Variants in MRPL13 observed in about 807,000 individuals in gnomAD.
MRPL13 encodes the protein mitochondrial ribosomal protein L13, also known as large ribosomal subunit protein uL13m.
MRPL13 carries 33 observed loss-of-function variants against 29.0 expected under a neutral mutation model. That is an observed-to-expected ratio of 1.14 (90% CI 0.86 to 1.52). The LOEUF (loss-of-function observed/expected upper bound fraction) is 1.52, where lower values mean the gene tolerates loss of function less well. MRPL13 is among the 40% of genes most tolerant of loss of function. The pLI, the probability that MRPL13 is intolerant of heterozygous loss-of-function variation, is 0.00. For missense variants in MRPL13, 227 were observed against 216.7 expected, an observed-to-expected ratio of 1.05 and a Z score of -0.30; for synonymous variants, 77 against 68.4, an observed-to-expected ratio of 1.13 and a Z score of -0.62.
At chr8:120,441,760 A>G (rs189207223) in intron 2 of MRPL13, among the ~76,000 whole-genome samples, 1 of 151,254 alleles carries the variant, frequency 6.6e-6, no homozygotes, top group Admixed American at 6.6e-5. Flanking sequence ...CCATCTAAAT[A>G]AAGTACTGTT....
chr8:120,409,652 A>C (rs990450957), intron 6 of MRPL13, among the ~76,000 whole-genome samples: 1 of 152,208 alleles, frequency 6.6e-6, no homozygotes, highest in Non-Finnish European at 1.5e-5. Context: ...GTCAAGAAAT[A>C]TAAAATAAAC....
intron 6 of MRPL13, among the ~76,000 whole-genome samples, chr8:120,402,832 G>A (rs2130451390): frequency 6.6e-6 from 1 of 152,180 alleles, no homozygotes; most frequent in Non-Finnish European, 1.5e-5. Context: ...AAGCAGGCAG[G>A]CAAAGGACAT....
At chr8:120,396,227 C>A in intron 6 of MRPL13, 102 bp from the exon 7 acceptor site, 2 of 841,450 alleles carry the variant, frequency 2.4e-6, no homozygotes, top group Non-Finnish European at 3.7e-6. Flanking sequence ...AACTGTTCAC[C>A]AAGAAATAGC....
chr8:120,441,162 T>A (rs750680262), intron 2 of MRPL13, among the ~76,000 whole-genome samples: 1 of 151,968 alleles, frequency 6.6e-6, no homozygotes, highest in African/African-American at 2.4e-5. Context: ...AGGAACAGGT[T>A]GGTTTGGGTG....
chr8:120,429,955 C>T (rs1460247665), intron 3 of MRPL13, among the ~76,000 whole-genome samples: 1 of 152,036 alleles, frequency 6.6e-6, no homozygotes, highest in Non-Finnish European at 1.5e-5. Flanking sequence ...TCAGTATTGA[C>T]ACAATTAAAT....
chr8:120,419,640 A>C lies in MRPL13; in HGVS notation c.393+212T>G, dbSNP rs114318580. 723 of 316,968 alleles carry C rather than the reference A, an allele frequency of 2.3e-3. 5 individuals are homozygous for C. Among genetic ancestry groups the C allele is most frequent in the African/African-American group, 0.014 (669 of 46,156 alleles). 19.6% of individuals were successfully genotyped at this position (316,968 alleles called of 1,614,324 possible). A position where few individuals can be genotyped will look rare whatever the true frequency, so the allele number is the denominator to read the frequency against. On this transcript the variant is annotated intron_variant, in intron 5 of 6. Transcript: ENST00000306185. ...AAATTTTTTTTAAAAACTTACTTTTAATTTTTAGTCCAATGATGGTTCATT... is the reference window on the plus strand; with the variant it reads ...AAATTTTTTTTAAAAACTTACTTTTCATTTTTAGTCCAATGATGGTTCATT...
chr8:120,443,316 GGGAAA>G lies in MRPL13; in HGVS notation c.28-13_28-9del. 6.8e-7 allele frequency: 1 copy of G among 1,464,604 alleles called. No homozygotes were observed. The highest frequency in any genetic ancestry group is 9.0e-7 in the Non-Finnish European group (1 of 1,107,806). The allele number at this position is 1,464,604 out of a possible 1,614,324, so 90.7% of individuals were successfully genotyped here. On this transcript the variant is annotated splice_polypyrimidine_tract_variant and intron_variant, in intron 1 of 6. Transcript: ENST00000306185. ...AGCAAAAGTGGCCCATTGCTTGGGG[GGGAAA>G]AAAAAAAAAAAGAAGAGGAAAAAAT... is the stretch of plus-strand genomic sequence containing the variant.
At chr8:120,399,468 C>A (rs577217059) in intron 6 of MRPL13, among the ~76,000 whole-genome samples, 6 of 152,270 alleles carry the variant, frequency 3.9e-5, no homozygotes, top group African/African-American at 1.4e-4. Context: ...CACCACCAGG[C>A]CTGCCTTGCA....
chr8:120,416,302 G>C (rs1812802714), intron 5 of MRPL13, among the ~76,000 whole-genome samples: 4 of 152,104 alleles, frequency 2.6e-5, no homozygotes, highest in Admixed American at 2.0e-4. Context: ...AGACCATCCT[G>C]GCTAACACGG....
chr8:120,440,645 G>A (rs114258068), intron 2 of MRPL13, among the ~76,000 whole-genome samples: 2,599 of 150,212 alleles, frequency 0.017, 78 homozygotes, highest in African/African-American at 0.061. Context: ...AAATGTGCTC[G>A]GCAGGCAAGT....
In MRPL13 at chr8:120,409,616, T is replaced by C. The variant is rs75160931; in HGVS notation, c.515+4375A>G. Among the ~76,000 whole-genome samples, 252 of 152,270 alleles carry C rather than the reference T, an allele frequency of 1.7e-3. 3 individuals are homozygous for C. In the East Asian group the frequency reaches 0.045, roughly 27 times the overall value. On this transcript the variant is annotated intron_variant, in intron 6 of 6. Transcript: ENST00000306185. ...AAACCCCACAGTCACCATTTGCACA[T>C]TGCAAATACATATCTGCTTTGTACA... is the stretch of plus-strand genomic sequence containing the variant.
At position 120,443,609 on chromosome 8, in the gene MRPL13, C is replaced by T. The variant is rs993005704; in HGVS notation, c.28-301G>A. Among the ~76,000 whole-genome samples, 8 of 149,238 alleles carry T rather than the reference C, an allele frequency of 5.4e-5. No homozygotes were observed. The East Asian group carries it at 1.2e-3, about 22-fold the overall frequency. On this transcript the variant is annotated intron_variant, in intron 1 of 6. Transcript: ENST00000306185. ...TATCCCAAAGATATATTTCCCTTTA[C>T]GGTATGACTTTTTTTTTTTTTTTTG...
chr8:120,412,668 A>C (rs1812753397), intron 6 of MRPL13, among the ~76,000 whole-genome samples: 1 of 151,986 alleles, frequency 6.6e-6, no homozygotes, highest in African/African-American at 2.4e-5. Flanking sequence ...CATTCTTTCC[A>C]AAACACTTAC....
In MRPL13 at chr8:120,439,354, T is replaced by G. The variant is rs896475860; in HGVS notation, c.151+3831A>C. ...AATACAAGAAGGCTGTGTTGTTGCCTTATAGAGATAATATGTGTGTTAGAT... is the reference window on the plus strand; with the variant it reads ...AATACAAGAAGGCTGTGTTGTTGCCGTATAGAGATAATATGTGTGTTAGAT... On this transcript the variant is annotated intron_variant, in intron 2 of 6. Coordinates refer to ENST00000306185, the MANE Select transcript of MRPL13 (RefSeq NM_014078.6). 3.3e-5 allele frequency among the ~76,000 whole-genome samples: 5 copies of G among 152,348 alleles called. No individual in the cohort carries two copies. In the South Asian group the frequency reaches 1.0e-3, roughly 32 times the overall value.
At chr8:120,413,559 G>A (rs938820335) in intron 6 of MRPL13, among the ~76,000 whole-genome samples, 11 of 152,068 alleles carry the variant, frequency 7.2e-5, no homozygotes. Flanking sequence ...ACTGTACAGA[G>A]GAGAGCAAAA....
intron 3 of MRPL13, among the ~76,000 whole-genome samples, chr8:120,430,814 G>A (rs1010649168): frequency 4.6e-5 from 7 of 152,168 alleles, no homozygotes; most frequent in African/African-American, 1.4e-4. Context: ...TATGGTAGCT[G>A]TTCACTACTG....
chr8:120,419,725 T>C (rs1235582205), intron 5 of MRPL13, 127 bp downstream of exon 5: 3 of 592,296 alleles, frequency 5.1e-6, no homozygotes, highest in Admixed American at 3.7e-5. Context: ...CATTTAAAAA[T>C]ACAAAAATAT....
rs565111087 is a variant in MRPL13 at position 120,413,710 on chromosome 8, A to G, written c.515+281T>C. The stretch of plus-strand genomic sequence containing the variant: ...TTACGTTTTAGATTAATAACAATTC[A>G]TATATCATTCCTAAAGACTACCATC... On this transcript the variant is annotated intron_variant, in intron 6 of 6. Coordinates refer to ENST00000306185, the MANE Select transcript of MRPL13 (RefSeq NM_014078.6). Among the ~76,000 whole-genome samples, 3 of 152,334 alleles carry G rather than the reference A, an allele frequency of 2.0e-5. No homozygotes were observed. The East Asian group carries it at 5.8e-4, about 29-fold the overall frequency.
chr8:120,431,632 G>A (rs946978779), intron 3 of MRPL13, among the ~76,000 whole-genome samples: 7 of 152,170 alleles, frequency 4.6e-5, no homozygotes, highest in Non-Finnish European at 7.4e-5. Context: ...ATTTACTTAA[G>A]AGAGATACTG....
Sources: gnomAD v4.1 joint callset for allele counts (sites outside exome capture counted in the v4.1 genomes callset) on GRCh38, gnomAD v4.1.1 for gene constraint, MANE v1.5 for transcripts, NCBI Gene and HGNC (gene_info 2026-07-23, HGNC 2026-07-21) for gene names.